The following LRRC37A2 variants were observed in gnomAD, a reference collection of about 807,000 sequenced individuals.
LRRC37A2 encodes leucine-rich repeat-containing protein 37A2.
LRRC37A2 carries 9 observed loss-of-function variants against 68.8 expected under a neutral mutation model. That is an observed-to-expected ratio of 0.13 (90% CI 0.08 to 0.23). LRRC37A2 has a LOEUF of 0.23. Ranked by LOEUF, LRRC37A2 falls within the 10% of genes least tolerant of loss-of-function variation. The pLI is 1.00. For missense variants in LRRC37A2, 168 were observed against 950.4 expected (o/e 0.18, Z 10.82); for synonymous variants, 63 against 367.6 (o/e 0.17, Z 9.48).
the LRRC37A2 span, among the ~76,000 whole-genome samples, chr17:46,638,435 C>T: frequency 1.3e-4 from 6 of 47,656 alleles, no homozygotes; most frequent in Non-Finnish European, 1.8e-4. Context: ...TGGAGTGCAG[C>T]GGCACCATCT....
At chr17:46,906,777 AGCAGAGC>A in the LRRC37A2 span, among the ~76,000 whole-genome samples, 1 of 152,134 alleles carries the variant, frequency 6.6e-6, no homozygotes, top group East Asian at 1.9e-4. Flanking sequence ...TCTAGTAAGC[AGCAGAGC>A]CCAGATCTGA....
At chr17:46,885,042 G>A in the LRRC37A2 span, 1 of 440,226 alleles carries the variant, frequency 2.3e-6, no homozygotes, top group Non-Finnish European at 4.5e-6. Context: ...AGGTTGGAGT[G>A]CAGTGGCAAG....
the LRRC37A2 span, among the ~76,000 whole-genome samples, chr17:46,723,766 C>T: frequency 6.6e-6 from 1 of 152,182 alleles, no homozygotes; most frequent in African/African-American, 2.4e-5. Flanking sequence ...CACTTACCAG[C>T]ACACCCACTC....
At chr17:46,448,610 AAGGC>A in the LRRC37A2 span, among the ~76,000 whole-genome samples, 1 of 147,016 alleles carries the variant, frequency 6.8e-6, no homozygotes, top group South Asian at 2.3e-4. Flanking sequence ...AGGCATAAGA[AAGGC>A]AGGATTTTAA....
the LRRC37A2 span, among the ~76,000 whole-genome samples, chr17:46,595,688 T>C: frequency 2.6e-5 from 3 of 113,294 alleles, no homozygotes; most frequent in Non-Finnish European, 4.8e-5. Flanking sequence ...GACAGGGTTT[T>C]ACCACATTGG....
At chr17:46,866,942 G>C in the LRRC37A2 span, among the ~76,000 whole-genome samples, 1 of 152,190 alleles carries the variant, frequency 6.6e-6, no homozygotes, top group Non-Finnish European at 1.5e-5. Flanking sequence ...AAACAGCCTG[G>C]AGTGCTCCCT....
the LRRC37A2 span, chr17:46,940,137 G>A: frequency 1.0e-3 from 1,267 of 1,251,250 alleles, 12 homozygotes; most frequent in African/African-American, 0.018. Context: ...TCCCCTCCCC[G>A]CTGCTCTGTA....
At chr17:47,001,851 A>C in the LRRC37A2 span, among the ~76,000 whole-genome samples, 5 of 150,618 alleles carry the variant, frequency 3.3e-5, no homozygotes, top group Non-Finnish European at 7.4e-5. Context: ...CCTCCCGAGT[A>C]GCTGGGACTA....
At chr17:46,867,925 G>A in the LRRC37A2 span, among the ~76,000 whole-genome samples, 16 of 152,244 alleles carry the variant, frequency 1.1e-4, no homozygotes, top group African/African-American at 3.9e-4. Flanking sequence ...TGATGAACCT[G>A]ACCACCAAGG....
At chr17:46,794,556 C>G in the LRRC37A2 span, among the ~76,000 whole-genome samples, 1 of 152,072 alleles carries the variant, frequency 6.6e-6, no homozygotes, top group Non-Finnish European at 1.5e-5. Context: ...CCTTTGTTTG[C>G]AGAACACACT....
the LRRC37A2 span, among the ~76,000 whole-genome samples, chr17:47,026,748 T>G: frequency 6.6e-6 from 1 of 152,198 alleles, no homozygotes; most frequent in Non-Finnish European, 1.5e-5. Context: ...ATGATAGAAA[T>G]TAATTCTATT....
chr17:46,798,846 G>A, the LRRC37A2 span, among the ~76,000 whole-genome samples: 1 of 152,190 alleles, frequency 6.6e-6, no homozygotes, highest in African/African-American at 2.4e-5. Flanking sequence ...TCAGGAGATC[G>A]AGACCATCCT....
the LRRC37A2 span, among the ~76,000 whole-genome samples, chr17:46,810,731 G>A: frequency 1.3e-5 from 2 of 152,032 alleles, no homozygotes; most frequent in Non-Finnish European, 2.9e-5. Context: ...ATAGCTGGGT[G>A]ACCTGAACGC....
chr17:46,861,332 G>T, the LRRC37A2 span, among the ~76,000 whole-genome samples: 1 of 152,192 alleles, frequency 6.6e-6, no homozygotes, highest in Non-Finnish European at 1.5e-5. Flanking sequence ...GAGTCCCACA[G>T]TCTCTAGCAG....
chr17:46,999,073 T>C, the LRRC37A2 span, among the ~76,000 whole-genome samples: 2 of 152,238 alleles, frequency 1.3e-5, no homozygotes, highest in Admixed American at 1.3e-4. Flanking sequence ...TGAACTACAA[T>C]ACTCACCATC....
At chr17:46,883,139 C>T in the LRRC37A2 span, among the ~76,000 whole-genome samples, 7 of 151,980 alleles carry the variant, frequency 4.6e-5, no homozygotes, top group East Asian at 1.9e-4. Flanking sequence ...CCACCACGCC[C>T]GGCTAATTTT....
At chr17:46,929,482 C>G in the LRRC37A2 span, 2 of 1,066,414 alleles carry the variant, frequency 1.9e-6, no homozygotes, top group Non-Finnish European at 2.9e-6. Flanking sequence ...CTGTTGATTA[C>G]TCCTGTCTCA....
At chr17:46,940,996 G>A in the LRRC37A2 span, 6 of 1,160,242 alleles carry the variant, frequency 5.2e-6, no homozygotes, top group South Asian at 1.0e-4. Context: ...CAGGGAAGGA[G>A]CACCCTCTAG....
chr17:46,808,873 G>A, the LRRC37A2 span, among the ~76,000 whole-genome samples: 1 of 152,144 alleles, frequency 6.6e-6, no homozygotes, highest in Admixed American at 6.6e-5. Context: ...TCCTGGGACA[G>A]CAGCCTGCTC....
Sources: allele counts gnomAD v4.1 joint callset (sites outside exome capture counted in the v4.1 genomes callset), GRCh38; gene constraint gnomAD v4.1.1; transcripts MANE v1.5; gene names NCBI Gene and HGNC (gene_info 2026-07-23, HGNC 2026-07-21).